Variants in ANKRD17 observed in about 807,000 individuals in gnomAD.
ANKRD17 encodes the protein ankyrin repeat domain-containing protein 17.
ANKRD17 carries 19 observed loss-of-function variants against 229.7 expected under a neutral mutation model. That is an observed-to-expected ratio of 0.08 (90% CI 0.06 to 0.12). The LOEUF (loss-of-function observed/expected upper bound fraction) is 0.12, where lower values mean the gene tolerates loss of function less well. ANKRD17 is among the 10% of genes least tolerant of loss of function. The pLI, the probability that ANKRD17 is intolerant of heterozygous loss-of-function variation, is 1.00. For synonymous variants in ANKRD17, 1,112 were observed against 1,146.1 expected, an observed-to-expected ratio of 0.97 and a Z score of 0.60; for missense variants, 2,176 against 3,176.8, an observed-to-expected ratio of 0.68 and a Z score of 7.57.
intron 1 of ANKRD17, among the ~76,000 whole-genome samples, chr4:73,230,781 T>C (rs1250465074): frequency 6.6e-6 from 1 of 152,218 alleles, no homozygotes; most frequent in African/African-American, 2.4e-5. Context: ...AACAAAGCAA[T>C]GCTGCCTCTT....
chr4:73,146,093 G>C (rs1560592361), intron 10 of ANKRD17, among the ~76,000 whole-genome samples: 3 of 151,924 alleles, frequency 2.0e-5, no homozygotes. Flanking sequence ...CCCACACACA[G>C]TTGCTTCATG....
chr4:73,170,160 C>T (rs1267631068), intron 2 of ANKRD17, among the ~76,000 whole-genome samples: 1 of 151,916 alleles, frequency 6.6e-6, no homozygotes. Context: ...CTTAAGGCTC[C>T]AAAAGAGACC....
chr4:73,175,965 C>T (rs1734679787), intron 2 of ANKRD17, among the ~76,000 whole-genome samples: 1 of 148,932 alleles, frequency 6.7e-6, no homozygotes, highest in African/African-American at 2.5e-5. Flanking sequence ...GGGATCACAT[C>T]AAGTTAAAAA....
chr4:73,104,747 CG>C (rs1216939127), intron 24 of ANKRD17, among the ~76,000 whole-genome samples: 6 of 140,180 alleles, frequency 4.3e-5, no homozygotes, highest in Non-Finnish European at 3.1e-5. Flanking sequence ...GCTATTTAAG[CG>C]GGAGGTGGGG....
chr4:73,127,719 C>T (rs1332279895), intron 16 of ANKRD17, among the ~76,000 whole-genome samples: 3 of 152,258 alleles, frequency 2.0e-5, no homozygotes, highest in South Asian at 2.1e-4. Context: ...GATTCAAAAA[C>T]TGTTACTAAT....
In ANKRD17 at chr4:73,091,057, T is replaced by G; in HGVS notation, c.6571A>C (p.Asn2191His). Residue 2191 changes from asparagine (N) to histidine (H), a missense_variant, in exon 29 of 34, where the codon AAT becomes CAT. This residue lies in a region of ANKRD17 where 424 missense variants were observed against 454.0 expected (regional missense o/e 0.93). Coordinates refer to ENST00000358602, the MANE Select transcript of ANKRD17 (RefSeq NM_032217.5). ...GATGAATTTTGCACTGAAGCTGAAT[T>G]CTTGTGAGGGGCAGTTGTGCCATGA... ...PPHGTTAPHK[N>H]SASVQNSSVA... The G allele has an allele frequency of 1.2e-6, 2 of 1,614,182 alleles. No individual in the cohort carries two copies. Among genetic ancestry groups the G allele is most frequent in the Non-Finnish European group, 1.7e-6 (2 of 1,180,040 alleles).
intron 16 of ANKRD17, among the ~76,000 whole-genome samples, chr4:73,131,975 G>A (rs1728261060): frequency 6.6e-6 from 1 of 151,944 alleles, no homozygotes; most frequent in African/African-American, 2.4e-5. Flanking sequence ...CATAATCAAA[G>A]TACCCACTAT....
rs929804170 is a variant in ANKRD17, at chr4:73,251,669, T to C, written c.393+6607A>G. Among the ~76,000 whole-genome samples the C allele has an allele frequency of 2.6e-5, 4 of 152,058 alleles. No homozygotes were observed. The East Asian group carries it at 7.7e-4, about 29-fold the overall frequency. ...TTCGCATACCAATGTGAAGTAAAAA[T>C]TCCCTTTCATCTGTGGTCAAGTATG... On this transcript the variant is annotated intron_variant, in intron 1 of 33. Coordinates refer to ENST00000358602, the MANE Select transcript of ANKRD17 (RefSeq NM_032217.5).
chr4:73,131,599 A>T (rs1426139518), intron 16 of ANKRD17, among the ~76,000 whole-genome samples: 1 of 152,166 alleles, frequency 6.6e-6, no homozygotes, highest in Non-Finnish European at 1.5e-5. Flanking sequence ...TAACACACTT[A>T]AGTTAAAAAT....
intron 1 of ANKRD17, among the ~76,000 whole-genome samples, chr4:73,199,928 C>T (rs1738425172): frequency 6.6e-6 from 1 of 152,092 alleles, no homozygotes; most frequent in African/African-American, 2.4e-5. Context: ...CAGAGATTTT[C>T]TTATATTTTT....
chr4:73,248,072 A>C (rs1744661510), intron 1 of ANKRD17, among the ~76,000 whole-genome samples: 1 of 152,016 alleles, frequency 6.6e-6, no homozygotes, highest in African/African-American at 2.4e-5. Flanking sequence ...CAATCTTCAT[A>C]TTTTAACATA....
chr4:73,106,633 C>A (rs367900430), intron 24 of ANKRD17, among the ~76,000 whole-genome samples: 1 of 152,084 alleles, frequency 6.6e-6, no homozygotes, highest in South Asian at 2.1e-4. Flanking sequence ...GTAATCCCAG[C>A]ACTTTGGGAG....
intron 1 of ANKRD17, among the ~76,000 whole-genome samples, chr4:73,210,467 C>A (rs1740104653): frequency 6.6e-6 from 1 of 152,086 alleles, no homozygotes; most frequent in Admixed American, 6.6e-5. Flanking sequence ...GTATATGTGT[C>A]ATGCTCACTG....
At chr4:73,157,154 T>TTATAAAATTTAATTAAAAAG (rs1341635525) in intron 3 of ANKRD17, among the ~76,000 whole-genome samples, 20 of 152,294 alleles carry the variant, frequency 1.3e-4, no homozygotes, top group Admixed American at 8.5e-4. Flanking sequence ...AGAAAATTTT[T>TTATAAAATTTAATTAAAAAG]TATAAAATTT....
rs55813807 is a variant in ANKRD17 at position 73,200,987 on chromosome 4, C to CGG, written c.394-23456_394-23455dup. On this transcript the variant is annotated intron_variant, in intron 1 of 33. Coordinates refer to ENST00000358602, the MANE Select transcript of ANKRD17 (RefSeq NM_032217.5). ...TAATCACCTGCTTAAACAGTATGGG[C>CGG]GGGGGGGGGGGGAGATTCTTAATCT... 9.0e-3 allele frequency among the ~76,000 whole-genome samples: 356 copies of CGG among 39,364 alleles called. 4 individuals are homozygous for CGG. The highest frequency in any genetic ancestry group is 0.021 in the African/African-American group (170 of 8,258). 25.8% of individuals were successfully genotyped at this position (39,364 alleles called of 152,430 possible). A position where few individuals can be genotyped will look rare whatever the true frequency, so the allele number is the denominator to read the frequency against.
intron 1 of ANKRD17, among the ~76,000 whole-genome samples, chr4:73,200,396 A>G (rs1453331044): frequency 1.3e-5 from 2 of 152,100 alleles, no homozygotes; most frequent in Admixed American, 6.6e-5. Flanking sequence ...CAAAAGTGTA[A>G]GACGAGCCTG....
chr4:73,126,326 C>T (rs953098980), intron 16 of ANKRD17, among the ~76,000 whole-genome samples: 15 of 152,034 alleles, frequency 9.9e-5, no homozygotes, highest in African/African-American at 3.1e-4. Context: ...AGGGCTCACA[C>T]GGAGCCAGGA....
intron 29 of ANKRD17, among the ~76,000 whole-genome samples, chr4:73,086,919 A>AAATAT (rs1553911000): frequency 6.4e-4 from 8 of 12,464 alleles, no homozygotes; most frequent in African/African-American, 7.8e-4. Context: ...AAAAAAAAAA[A>AAATAT]ATATATATAT....
intron 30 of ANKRD17, among the ~76,000 whole-genome samples, chr4:73,083,070 G>C (rs1268059978): frequency 6.6e-6 from 1 of 152,154 alleles, no homozygotes; most frequent in Non-Finnish European, 1.5e-5. Flanking sequence ...AGGAATATAT[G>C]ATGAGGAAAG....
Sources: allele counts gnomAD v4.1 joint callset (sites outside exome capture counted in the v4.1 genomes callset), GRCh38; gene constraint gnomAD v4.1.1; regional missense constraint gnomAD v4.1.1; transcripts MANE v1.5; gene names NCBI Gene and HGNC (gene_info 2026-07-23, HGNC 2026-07-21).